The following LRFN5 variants were observed in gnomAD, a reference collection of about 807,000 sequenced individuals.
LRFN5 encodes leucine-rich repeat and fibronectin type-III domain-containing protein 5.
A neutral mutation model predicts 45.6 loss-of-function variants in LRFN5; 24 were observed. That is an observed-to-expected ratio of 0.53 (90% CI 0.38 to 0.74). LRFN5 has a LOEUF of 0.74. LRFN5 is among the 30% of genes least tolerant of loss of function. The probability of loss-of-function intolerance (pLI) is 0.00; values close to 1 mark genes in which losing one functional copy is unlikely to be tolerated. For missense variants in LRFN5, 776 were observed against 861.5 expected (o/e 0.90, Z 1.24); for synonymous variants, 340 against 313.8 (o/e 1.08, Z -0.88).
intron 1 of LRFN5, among the ~76,000 whole-genome samples, chr14:41,711,467 T>G (rs978126015): frequency 1.3e-5 from 2 of 151,928 alleles, no homozygotes. Context: ...ATAAGAAAAA[T>G]GTTCTACATA....
intron 2 of LRFN5, among the ~76,000 whole-genome samples, chr14:41,834,174 A>AT (rs1242914579): frequency 2.0e-5 from 3 of 152,168 alleles, no homozygotes; most frequent in Non-Finnish European, 2.9e-5. Context: ...GGAAAAAAAA[A>AT]TTATTTTGCA....
intron 2 of LRFN5, among the ~76,000 whole-genome samples, chr14:41,840,870 C>T (rs1888834979): frequency 6.7e-6 from 1 of 149,654 alleles, no homozygotes; most frequent in Non-Finnish European, 1.5e-5. Flanking sequence ...TTTTTGGATT[C>T]AACTATGGAT....
At chr14:41,706,444 T>A (rs1227263094) in intron 1 of LRFN5, among the ~76,000 whole-genome samples, 1 of 152,094 alleles carries the variant, frequency 6.6e-6, no homozygotes, top group Admixed American at 6.5e-5. Flanking sequence ...TTTTTAAAAT[T>A]TTTTATTTTT....
At position 41,887,795 on chromosome 14, in the gene LRFN5, T is replaced by C. The variant is rs1244142006; in HGVS notation, c.1170T>C (p.Pro390=). ...LLNSTNHIHE[P]DPGSSDISTS... ...ATAGTACAAACCATATCCATGAGCC[T>C]GATCCTGGTTCTTCAGATATCTCAA... Residue 390 remains proline, a synonymous_variant, in exon 3 of 6, where the codon CCT becomes CCC. Coordinates refer to ENST00000298119, the MANE Select transcript of LRFN5 (RefSeq NM_152447.5). The surrounding 1 kb of genome is among the most constrained non-coding windows in gnomAD (Gnocchi z 4.8). 2.5e-6 allele frequency: 4 copies of C among 1,613,924 alleles called. No homozygotes were observed. Among genetic ancestry groups the C allele is most frequent in the Non-Finnish European group, 3.4e-6 (4 of 1,179,916 alleles).
chr14:41,823,050 T>A (rs1015396474), intron 2 of LRFN5, among the ~76,000 whole-genome samples: 1 of 151,962 alleles, frequency 6.6e-6, no homozygotes, highest in Non-Finnish European at 1.5e-5. Context: ...TGCGGGCTTC[T>A]TGTAAGCAGC....
chr14:41,635,984 G>T (rs771399171), intron 1 of LRFN5, among the ~76,000 whole-genome samples: 1 of 152,094 alleles, frequency 6.6e-6, no homozygotes, highest in East Asian at 1.9e-4. Flanking sequence ...CCTGTTTGGG[G>T]TCTATTTCAT....
At chr14:41,736,928 G>T (rs1275455774) in intron 1 of LRFN5, among the ~76,000 whole-genome samples, 1 of 152,018 alleles carries the variant, frequency 6.6e-6, no homozygotes, top group African/African-American at 2.4e-5. Flanking sequence ...GGTACAAAGA[G>T]GAGCTGGTAC....
chr14:41,789,170 G>T (rs930806827), intron 2 of LRFN5, among the ~76,000 whole-genome samples: 1 of 152,002 alleles, frequency 6.6e-6, no homozygotes, highest in Non-Finnish European at 1.5e-5. Context: ...GACCATGTCT[G>T]ATAAGTGGTA....
Position 41,891,757 on chromosome 14 carries a change from T to C in LRFN5, c.1893T>C (p.Pro631=). ...CTACCACTACCTCTGCTTTGCCTCC[T>C]TCCTGGACTTCAAGCACTTCTGTGT... ...DSSTTTSALP[P]SWTSSTSVSQ... is the part of the protein sequence containing the mutation. Residue 631 remains proline (P), a synonymous_variant, in exon 4 of 6, where the codon CCT becomes CCC. Transcript: ENST00000298119. 6.2e-7 allele frequency: 1 copy of C among 1,614,154 alleles called. No homozygotes were observed.
intron 4 of LRFN5, among the ~76,000 whole-genome samples, chr14:41,896,975 C>A (rs923283757): frequency 1.3e-5 from 2 of 151,714 alleles, no homozygotes; most frequent in Non-Finnish European, 2.9e-5. Context: ...ACCTGTAATA[C>A]CAGCTACTCG....
chr14:41,696,373 C>A (rs567139652), intron 1 of LRFN5, among the ~76,000 whole-genome samples: 3 of 151,824 alleles, frequency 2.0e-5, no homozygotes, highest in Non-Finnish European at 4.4e-5. Context: ...GGATTGATTC[C>A]AACTTTGAAA....
chr14:41,896,647 A>G (rs950995001), intron 4 of LRFN5, among the ~76,000 whole-genome samples: 1 of 152,204 alleles, frequency 6.6e-6, no homozygotes, highest in African/African-American at 2.4e-5. Context: ...CAAAGGACAG[A>G]TTGCCCAGTC....
At chr14:41,613,342 C>T (rs1218502983) in intron 1 of LRFN5, among the ~76,000 whole-genome samples, 1 of 151,986 alleles carries the variant, frequency 6.6e-6, no homozygotes, top group Non-Finnish European at 1.5e-5. Context: ...CACTGTCTTC[C>T]ACAATGGTTG....
rs751626108 is a variant in LRFN5, at chr14:41,904,141, T to C, written c.2143-17T>C. The stretch of plus-strand genomic sequence containing the variant: ...CCTTTCTTTCTTTTTTTCCTTTTTC[T>C]TTTTCTTTCATTTCAGAGGCTGGAG... On this transcript the variant is annotated splice_polypyrimidine_tract_variant and intron_variant, in intron 5 of 5. Coordinates refer to ENST00000298119, the MANE Select transcript of LRFN5 (RefSeq NM_152447.5). 34 of 1,593,166 alleles carry C rather than the reference T, an allele frequency of 2.1e-5. No homozygotes were observed. In the South Asian group the frequency reaches 3.7e-4, roughly 17 times the overall value.
intron 1 of LRFN5, chr14:41,699,907 G>T (rs552077371): frequency 3.9e-5 from 6 of 152,194 alleles, no homozygotes; most frequent in Admixed American, 2.6e-4. Flanking sequence ...AACTAAAACT[G>T]GTCGAGGAAA....
intron 1 of LRFN5, among the ~76,000 whole-genome samples, chr14:41,733,041 A>G (rs1208410642): frequency 1.3e-5 from 2 of 151,890 alleles, no homozygotes; most frequent in African/African-American, 4.8e-5. Context: ...TAGTCTTAGG[A>G]AAAGAAAGTT....
chr14:41,791,121 T>C (rs1012454034), intron 2 of LRFN5, among the ~76,000 whole-genome samples: 2 of 151,910 alleles, frequency 1.3e-5, no homozygotes, highest in Admixed American at 6.6e-5. Flanking sequence ...ATGTTAACAT[T>C]ATTAACCCAG....
intron 1 of LRFN5, among the ~76,000 whole-genome samples, chr14:41,735,051 T>C (rs902082927): frequency 6.6e-6 from 1 of 152,132 alleles, no homozygotes; most frequent in East Asian, 1.9e-4. Context: ...ATCGTAAATA[T>C]TTGATTTATT....
At chr14:41,690,617 A>G (rs542595762) in intron 1 of LRFN5, among the ~76,000 whole-genome samples, 7 of 152,318 alleles carry the variant, frequency 4.6e-5, no homozygotes, top group African/African-American at 1.2e-4. Flanking sequence ...CCTTCACCAA[A>G]TAAATAATAG....
Sources: allele counts gnomAD v4.1 joint callset (sites outside exome capture counted in the v4.1 genomes callset), GRCh38; gene constraint gnomAD v4.1.1; non-coding constraint Gnocchi (gnomAD v3.1); transcripts MANE v1.5; gene names NCBI Gene and HGNC (gene_info 2026-07-23, HGNC 2026-07-21).